The following PAX7 variants were observed in gnomAD, a reference collection of about 807,000 sequenced individuals.
PAX7 encodes the protein paired box 7, also known as paired box protein Pax-7.
In PAX7, 18 loss-of-function variants were observed where a neutral mutation model predicts 50.7. The ratio of observed to expected loss-of-function variants is 0.36; its 90% CI spans 0.25 to 0.53. The LOEUF is 0.53. Ranked by LOEUF, PAX7 falls within the 20% of genes least tolerant of loss-of-function variation. The probability of loss-of-function intolerance (pLI) is 0.93; values close to 1 mark genes in which losing one functional copy is unlikely to be tolerated. For synonymous variants in PAX7, 310 were observed against 290.4 expected, an observed-to-expected ratio of 1.07 and a Z score of -0.69; for missense variants, 644 against 702.9, an observed-to-expected ratio of 0.92 and a Z score of 0.95.
intron 7 of PAX7, among the ~76,000 whole-genome samples, chr1:18,706,363 C>T (rs2089283040): frequency 6.6e-6 from 1 of 152,124 alleles, no homozygotes; most frequent in Non-Finnish European, 1.5e-5. Flanking sequence ...GCACACTGTC[C>T]CTTTCCCCAG....
At chr1:18,648,001 G>A (rs563861670) in intron 4 of PAX7, among the ~76,000 whole-genome samples, 1 of 152,372 alleles carries the variant, frequency 6.6e-6, no homozygotes, top group East Asian at 1.9e-4. Context: ...CTGGAGCCCA[G>A]TAGACACTGT....
chr1:18,723,119 T>C (rs1411203051), intron 7 of PAX7, among the ~76,000 whole-genome samples: 1 of 152,182 alleles, frequency 6.6e-6, no homozygotes, highest in Non-Finnish European at 1.5e-5. Context: ...AACCCTAGAA[T>C]GCTTCCAGCT....
At chr1:18,731,575 T>C (rs1420240217) in intron 7 of PAX7, among the ~76,000 whole-genome samples, 1 of 152,022 alleles carries the variant, frequency 6.6e-6, no homozygotes, top group African/African-American at 2.4e-5. Flanking sequence ...TCAGGCCTTG[T>C]GGTCTTCATC....
At chr1:18,712,232 C>A (rs1287713285) in intron 7 of PAX7, among the ~76,000 whole-genome samples, 1 of 152,162 alleles carries the variant, frequency 6.6e-6, no homozygotes, top group Admixed American at 6.5e-5. Flanking sequence ...GGGAGACAGA[C>A]CCGGCCAAGA....
intron 7 of PAX7, among the ~76,000 whole-genome samples, chr1:18,713,523 T>C (rs1463503300): frequency 6.6e-6 from 1 of 152,218 alleles, no homozygotes; most frequent in Admixed American, 6.5e-5. Flanking sequence ...TACATATGAT[T>C]CCCTTCAAAT....
intron 4 of PAX7, among the ~76,000 whole-genome samples, chr1:18,640,910 C>T (rs559533513): frequency 1.4e-3 from 213 of 151,902 alleles, no homozygotes; most frequent in Admixed American, 4.2e-3. Context: ...GGAGGGGGCT[C>T]CCGGCGGAGG....
chr1:18,710,723 C>T (rs1375275899), intron 7 of PAX7, among the ~76,000 whole-genome samples: 3 of 152,124 alleles, frequency 2.0e-5, no homozygotes, highest in African/African-American at 7.2e-5. Flanking sequence ...CGTTTGTCCA[C>T]AATTACCCCC....
intron 4 of PAX7, among the ~76,000 whole-genome samples, chr1:18,665,801 C>G (rs2100217877): frequency 6.6e-6 from 1 of 151,978 alleles, no homozygotes; most frequent in East Asian, 1.9e-4. Flanking sequence ...TCCCCAGTAG[C>G]TGGGACTACA....
chr1:18,715,333 A>G (rs1429293423), intron 7 of PAX7, among the ~76,000 whole-genome samples: 1 of 152,252 alleles, frequency 6.6e-6, no homozygotes, highest in Non-Finnish European at 1.5e-5. Context: ...ATATATTGAT[A>G]TAAGTAATAC....
intron 5 of PAX7, among the ~76,000 whole-genome samples, chr1:18,698,168 C>T (rs1236656170): frequency 6.6e-6 from 1 of 151,948 alleles, no homozygotes; most frequent in Non-Finnish European, 1.5e-5. Flanking sequence ...AAGATGTTCG[C>T]CACCTTCACC....
At chr1:18,731,342 T>C (rs933437351) in intron 7 of PAX7, among the ~76,000 whole-genome samples, 2 of 152,138 alleles carry the variant, frequency 1.3e-5, no homozygotes, top group Admixed American at 1.3e-4. Flanking sequence ...GCAGTGAGGT[T>C]GCCAAACCTC....
intron 4 of PAX7, among the ~76,000 whole-genome samples, chr1:18,663,647 G>T (rs555538094): frequency 6.6e-6 from 1 of 152,196 alleles, no homozygotes; most frequent in Non-Finnish European, 1.5e-5. Flanking sequence ...CTCCCAAAGT[G>T]CTGGGCTTAC....
chr1:18,651,758 C>A (rs557387280), intron 4 of PAX7, among the ~76,000 whole-genome samples: 1 of 151,922 alleles, frequency 6.6e-6, no homozygotes, highest in African/African-American at 2.4e-5. Flanking sequence ...CTCAAAGTTC[C>A]GTCCCTCCCC....
chr1:18,673,853 A>G (rs906480953), intron 4 of PAX7, among the ~76,000 whole-genome samples: 2 of 152,190 alleles, frequency 1.3e-5, no homozygotes, highest in African/African-American at 4.8e-5. Context: ...AGCAGCTGAG[A>G]CATCTGGAAG....
chr1:18,691,727 T>C (rs769301409), intron 4 of PAX7, 27 bp from the exon 5 acceptor site: 3 of 1,551,682 alleles, frequency 1.9e-6, no homozygotes, highest in African/African-American at 1.4e-5. Flanking sequence ...AGCCCCTGCC[T>C]TCTCCCTCCC....
At chr1:18,732,430 G>T (rs994134186) in intron 7 of PAX7, among the ~76,000 whole-genome samples, 1 of 152,202 alleles carries the variant, frequency 6.6e-6, no homozygotes, top group Non-Finnish European at 1.5e-5. Context: ...TGGGACTACA[G>T]AGACGGACAA....
chr1:18,667,562 G>A (rs1196052803), intron 4 of PAX7, among the ~76,000 whole-genome samples: 1 of 152,118 alleles, frequency 6.6e-6, no homozygotes, highest in Non-Finnish European at 1.5e-5. Context: ...ATCACAGAAG[G>A]TAGATAGTGG....
At chr1:18,709,981 T>C (rs1206121820) in intron 7 of PAX7, among the ~76,000 whole-genome samples, 2 of 152,232 alleles carry the variant, frequency 1.3e-5, no homozygotes, top group African/African-American at 4.8e-5. Flanking sequence ...TATTTATTTG[T>C]GAATGGGGTC....
intron 4 of PAX7, among the ~76,000 whole-genome samples, chr1:18,652,902 G>A (rs893927127): frequency 2.0e-5 from 3 of 152,178 alleles, no homozygotes; most frequent in African/African-American, 7.2e-5. Context: ...GCCATGCCCC[G>A]TGGGTATCTG....
Sources: allele counts gnomAD v4.1 joint callset (sites outside exome capture counted in the v4.1 genomes callset), GRCh38; gene constraint gnomAD v4.1.1; transcripts MANE v1.5; gene names NCBI Gene and HGNC (gene_info 2026-07-23, HGNC 2026-07-21).